The following DLGAP3 variants were observed in gnomAD, a reference collection of about 807,000 sequenced individuals.
DLGAP3 encodes the protein DLG associated protein 3.
Under a neutral mutation model 81.2 loss-of-function variants are expected in DLGAP3, and 17 were observed. The observed-to-expected ratio is 0.21, with a 90% CI of 0.14 to 0.31. The LOEUF is 0.31. Among genes scored for constraint, DLGAP3 ranks in the 10% least tolerant of loss-of-function variants. The pLI, the probability that DLGAP3 is intolerant of heterozygous loss-of-function variation, is 1.00. For missense variants in DLGAP3, 1,124 were observed against 1,388.0 expected (o/e 0.81, Z 3.02); for synonymous variants, 577 against 587.4 (o/e 0.98, Z 0.26).
Position 34,929,463 on chromosome 1 carries a change from GGGCTCC to G in DLGAP3, c.-153_-148del, listed in dbSNP as rs919381530. ...CCCCGCGGCTTACCTGGCCCGGCTC[GGGCTCC>G]GGCCGGGTTACATGGTGCCGGCGGC... is the stretch of plus-strand genomic sequence containing the variant. On this transcript the variant is annotated 5_prime_UTR_variant, in exon 1 of 12. Transcript: ENST00000373347. This position sits in a 1 kb window ranked among gnomAD's most constrained non-coding sequence, Gnocchi z 6.5. The G allele has an allele frequency of 4.0e-5, 6 of 148,242 alleles. No homozygotes were observed. Among genetic ancestry groups the G allele is most frequent in the African/African-American group, 1.2e-4 (5 of 41,024 alleles). 9.2% of individuals were successfully genotyped at this position (148,242 alleles called of 1,614,324 possible).
At chr1:34,887,755 T>C (rs1639256447) in intron 5 of DLGAP3, among the ~76,000 whole-genome samples, 1 of 152,202 alleles carries the variant, frequency 6.6e-6, no homozygotes, top group African/African-American at 2.4e-5. Flanking sequence ...CTCTACCACT[T>C]CCTAGCAGAA....
chr1:34,894,547 T>C (rs966543057), intron 5 of DLGAP3, among the ~76,000 whole-genome samples: 1 of 152,162 alleles, frequency 6.6e-6, no homozygotes, highest in African/African-American at 2.4e-5. Context: ...GATAGCAGAC[T>C]CCTTAACGGC....
At position 34,885,494 on chromosome 1, in the gene DLGAP3, G is replaced by T. The variant is rs1639206657; in HGVS notation, c.1898C>A (p.Pro633Gln). ...GTTCCATACCTGCACCCCAATGGACGGCCGCCACTTCCGCTGCCGCGCCAG... is the reference window on the plus strand; with the variant it reads ...GTTCCATACCTGCACCCCAATGGACTGCCGCCACTTCCGCTGCCGCGCCAG... ...RSLARQRKWR[P>Q]SIGVQVETIS... The change falls in exon 7 of 12, where the codon CCG becomes CAG. Residue 633 changes from proline (P) to glutamine (Q), a missense_variant. Transcript: ENST00000373347. 1 of 1,606,708 alleles carries T rather than the reference G, an allele frequency of 6.2e-7. No individual in the cohort carries two copies. The highest frequency in any genetic ancestry group is 8.5e-7 in the Non-Finnish European group (1 of 1,179,752).
chr1:34,906,901 C>T (rs1475805554), intron 2 of DLGAP3, among the ~76,000 whole-genome samples: 1 of 152,192 alleles, frequency 6.6e-6, no homozygotes, highest in East Asian at 1.9e-4. Flanking sequence ...GGAGCTACGG[C>T]AGGAGGGAGT....
intron 1 of DLGAP3, among the ~76,000 whole-genome samples, chr1:34,910,805 A>T (rs1639628129): frequency 6.6e-6 from 1 of 151,780 alleles, no homozygotes; most frequent in African/African-American, 2.4e-5. Context: ...AATTTGTGTG[A>T]CTCCTAGATT....
intron 1 of DLGAP3, among the ~76,000 whole-genome samples, chr1:34,917,318 T>C (rs1639733234): frequency 6.6e-6 from 1 of 151,612 alleles, no homozygotes; most frequent in Admixed American, 6.6e-5. Context: ...ACACCTCATG[T>C]GCATTTCCAT....
At chr1:34,870,809 G>C (rs1569594501) in intron 8 of DLGAP3, among the ~76,000 whole-genome samples, 1 of 152,314 alleles carries the variant, frequency 6.6e-6, no homozygotes, top group African/African-American at 2.4e-5. Context: ...GCCTCCATCA[G>C]TACCCTGCAG....
In DLGAP3 at chr1:34,929,125, G is replaced by A. The variant is rs534324605; in HGVS notation, c.-135+326C>T. ...AGCACCACGACTTCCCCCACAACCA[G>A]CTGGCTACTCCCTCCCAGACCCGAG... On this transcript the variant is annotated intron_variant, in intron 1 of 11. Coordinates refer to ENST00000373347, the MANE Select transcript of DLGAP3 (RefSeq NM_001080418.3). This position sits in a 1 kb window ranked among gnomAD's most constrained non-coding sequence, Gnocchi z 6.5. 3.3e-5 allele frequency among the ~76,000 whole-genome samples: 5 copies of A among 152,016 alleles called. No homozygotes were observed. The highest frequency in any genetic ancestry group is 6.5e-5 in the Admixed American group (1 of 15,280).
intron 2 of DLGAP3, among the ~76,000 whole-genome samples, chr1:34,906,016 T>TTATATATATATATATATATATAA (rs150603784): frequency 1.5e-5 from 1 of 64,808 alleles, no homozygotes; most frequent in Admixed American, 1.5e-4. Flanking sequence ...GCCTCTAAAT[T>TTATATATATATATATATATATAA]TATATATATA....
intron 8 of DLGAP3, among the ~76,000 whole-genome samples, chr1:34,882,106 C>T (rs1385724918): frequency 6.6e-6 from 1 of 152,152 alleles, no homozygotes; most frequent in Non-Finnish European, 1.5e-5. Flanking sequence ...TTTCAGATAA[C>T]CTATGAGACT....
chr1:34,905,250 G>A lies in DLGAP3; in HGVS notation c.134C>T (p.Pro45Leu), dbSNP rs552097335. 13 of 1,593,746 alleles carry A rather than the reference G, an allele frequency of 8.2e-6. No homozygotes were observed. Among genetic ancestry groups the A allele is most frequent in the Non-Finnish European group, 1.1e-5 (13 of 1,170,708 alleles). ...LGSREAFSTEPRFCAPRAGLG... is the reference protein window; with the variant it reads ...LGSREAFSTELRFCAPRAGLG... ...GCCAGCTCTCGGGGCACAGAAGCGG[G>A]GCTCGGTGGAGAAGGCCTCCCTGGA... Residue 45 changes from proline to leucine, a missense_variant, in exon 3 of 12, where the codon CCC (proline) becomes CTC (leucine). By Grantham distance (98) the Pro-to-Leu change is moderately conservative. Transcript: ENST00000373347.
At chr1:34,896,828 A>G (rs947316937) in intron 5 of DLGAP3, among the ~76,000 whole-genome samples, 1 of 152,210 alleles carries the variant, frequency 6.6e-6, no homozygotes, top group East Asian at 1.9e-4. Context: ...GGAGCAGGAA[A>G]GCACCAGTCC....
chr1:34,875,798 C>T (rs866543071), intron 8 of DLGAP3, among the ~76,000 whole-genome samples: 4 of 152,240 alleles, frequency 2.6e-5, no homozygotes, highest in Admixed American at 2.6e-4. Flanking sequence ...CACCACAAGG[C>T]CTTAGCATAT....
chr1:34,916,112 G>C (rs927181073), intron 1 of DLGAP3, among the ~76,000 whole-genome samples: 2 of 152,196 alleles, frequency 1.3e-5, no homozygotes, highest in Non-Finnish European at 2.9e-5. Flanking sequence ...CAGCAACTGA[G>C]CCATCAAGGA....
chr1:34,887,140 A>G (rs1261483100), intron 5 of DLGAP3, among the ~76,000 whole-genome samples: 1 of 151,718 alleles, frequency 6.6e-6, no homozygotes, highest in Non-Finnish European at 1.5e-5. Flanking sequence ...TATTTCTAGT[A>G]GAGACAGGAT....
At chr1:34,881,505 G>C (rs1026229559) in intron 8 of DLGAP3, among the ~76,000 whole-genome samples, 1 of 152,038 alleles carries the variant, frequency 6.6e-6, no homozygotes, top group Non-Finnish European at 1.5e-5. Context: ...AGACATGACT[G>C]GGGGAGCTTG....
intron 1 of DLGAP3, among the ~76,000 whole-genome samples, chr1:34,915,683 C>T (rs1018979095): frequency 1.3e-5 from 2 of 152,204 alleles, no homozygotes; most frequent in African/African-American, 4.8e-5. Flanking sequence ...GGCTGACTGC[C>T]AGGTTCACGT....
chr1:34,896,858 G>C (rs1226408618), intron 5 of DLGAP3, among the ~76,000 whole-genome samples: 1 of 151,958 alleles, frequency 6.6e-6, no homozygotes, highest in Admixed American at 6.6e-5. Flanking sequence ...ATAAATAGAA[G>C]GCACAAAATA....
At chr1:34,906,849 C>A (rs1240184007) in intron 2 of DLGAP3, among the ~76,000 whole-genome samples, 2 of 152,200 alleles carry the variant, frequency 1.3e-5, no homozygotes, top group African/African-American at 4.8e-5. Context: ...CAGCTCTCAG[C>A]AAGAGCTGCC....
Sources: allele counts gnomAD v4.1 joint callset (sites outside exome capture counted in the v4.1 genomes callset), GRCh38; gene constraint gnomAD v4.1.1; non-coding constraint Gnocchi (gnomAD v3.1); transcripts MANE v1.5; gene names NCBI Gene and HGNC (gene_info 2026-07-23, HGNC 2026-07-21).